Variants in UNG observed in about 807,000 individuals in gnomAD.
The protein encoded by UNG is uracil DNA glycosylase.
In UNG, 34 loss-of-function variants were observed where a neutral mutation model predicts 36.5. That is an observed-to-expected ratio of 0.93 (90% confidence interval 0.71 to 1.24). The LOEUF (loss-of-function observed/expected upper bound fraction) is 1.24. Among genes scored for constraint, UNG ranks in the 50% most tolerant of loss-of-function variants. The probability of loss-of-function intolerance (pLI) is 0.00; values close to 1 mark genes in which losing one functional copy is unlikely to be tolerated. For synonymous variants in UNG, 172 were observed against 157.8 expected, an observed-to-expected ratio of 1.09 and a Z score of -0.67; for missense variants, 391 against 397.6, an observed-to-expected ratio of 0.98 and a Z score of 0.14.
rs2042225913 is a variant in UNG, at chr12:109,107,431, C to T, written c.802-2398C>T. 2.6e-5 allele frequency among the ~76,000 whole-genome samples: 4 copies of T among 151,952 alleles called. No individual in the cohort carries two copies. The East Asian group carries it at 7.7e-4, about 29-fold the overall frequency. On this transcript the variant is annotated intron_variant, in intron 6 of 6. Transcript: ENST00000242576. The stretch of plus-strand genomic sequence containing the variant: ...GTTGCCCAGGCTGGCTCTTGAACTC[C>T]TGGACTTAAACGATCCTCCTGCCTC...
At chr12:109,099,835 C>T (rs142097025) in intron 3 of UNG, among the ~76,000 whole-genome samples, 91 of 152,194 alleles carry the variant, frequency 6.0e-4, no homozygotes, top group Non-Finnish European at 1.1e-3. Flanking sequence ...CCAGCACTTT[C>T]GGAGGCCAAA....
intron 6 of UNG, among the ~76,000 whole-genome samples, chr12:109,106,622 G>A (rs1475548629): frequency 6.6e-6 from 1 of 151,472 alleles, no homozygotes; most frequent in Non-Finnish European, 1.5e-5. Context: ...ATTCTGGCCG[G>A]GTGTGGTGGC....
In UNG at chr12:109,099,261, A is replaced by G. The variant is rs1174862351; in HGVS notation, c.412A>G (p.Thr138Ala). 6.2e-7 allele frequency: 1 copy of G among 1,613,952 alleles called. No homozygotes were observed. Among genetic ancestry groups the G allele is most frequent in the Non-Finnish European group, 8.5e-7 (1 of 1,179,952 alleles). ...YPPPHQVFTW[T>A]QMCDIKDVKV... ...ACCCCCACACCAAGTCTTCACCTGG[A>G]CCCAGATGTGTGACATAAAAGATGT... The change falls in exon 3 of 7, where the codon ACC becomes GCC. Residue 138 changes from threonine to alanine, a missense_variant. By Grantham distance (58) the Thr-to-Ala change is moderately conservative (BLOSUM62 0). Transcript: ENST00000242576.
At position 109,101,887 on chromosome 12, in the gene UNG, C is replaced by T. The variant is rs552733171; in HGVS notation, c.436-15C>T. 1.2e-6 allele frequency: 2 copies of T among 1,611,274 alleles called. No individual in the cohort carries two copies. Among genetic ancestry groups the T allele is most frequent in the Non-Finnish European group, 1.7e-6 (2 of 1,177,686 alleles). ...TTACAGTATTGTTTAATTCCTGACC[C>T]CTGGTGGTTCACAGGTGAAGGTTGT... is the stretch of plus-strand genomic sequence containing the variant. On this transcript the variant is annotated splice_polypyrimidine_tract_variant and intron_variant, in intron 3 of 6. Coordinates refer to ENST00000242576, the MANE Select transcript of UNG (RefSeq NM_080911.3).
intron 3 of UNG, among the ~76,000 whole-genome samples, chr12:109,100,366 CCCCCGTTTTGTAAA>C (rs1390887066): frequency 1.3e-5 from 2 of 151,988 alleles, no homozygotes; most frequent in Non-Finnish European, 2.9e-5. Flanking sequence ...CCGTTTTCCT[CCCCCGTTTTGTAAA>C]CTGGGGCAAG....
Position 109,109,815 on chromosome 12 carries a change from TTGA to T in UNG, c.802-12_802-10del, listed in dbSNP as rs762008037. On this transcript the variant is annotated splice_polypyrimidine_tract_variant and intron_variant, in intron 6 of 6. Transcript: ENST00000242576. Reference sequence around the variant, plus strand: ...GTCCCAAATCTGCCACCATTTATTCTTGATCTTTTTCAGAAGCGGCACCATGTA... The same window carrying T: ...GTCCCAAATCTGCCACCATTTATTCTTCTTTTTCAGAAGCGGCACCATGTA... The T allele has an allele frequency of 1.9e-6, 3 of 1,613,398 alleles. No individual in the cohort carries two copies. The African/African-American group carries it at 4.0e-5, about 22-fold the overall frequency.
At chr12:109,099,005 C>G (rs2042156409) in intron 2 of UNG, among the ~76,000 whole-genome samples, 184 bp from the exon 3 acceptor site, 1 of 152,180 alleles carries the variant, frequency 6.6e-6, no homozygotes. Flanking sequence ...AGGAATTGAC[C>G]TGATTGAACC....
chr12:109,099,104 A>G, intron 2 of UNG, 85 bp from the exon 3 acceptor site: 1 of 1,293,808 alleles, frequency 7.7e-7, no homozygotes, highest in Non-Finnish European at 1.1e-6. Flanking sequence ...GATGTTCCAA[A>G]TAACTTGCAC....
Position 109,110,125 on chromosome 12 carries a change from G to T in UNG, c.*156G>T. 1 of 971,888 alleles carries T rather than the reference G, an allele frequency of 1.0e-6. No homozygotes were observed. Among genetic ancestry groups the T allele is most frequent in the Non-Finnish European group, 1.5e-6 (1 of 647,040 alleles). The allele number at this position is 971,888 out of a possible 1,614,324, so 60.2% of individuals were successfully genotyped here. On this transcript the variant is annotated 3_prime_UTR_variant, in exon 7 of 7. Transcript: ENST00000242576. Reference sequence around the variant, plus strand: ...TGAACCAGGCTGTCCAGGAATGGCAGCTGTATCCAACCACAAACAACAAAG... The same window carrying T: ...TGAACCAGGCTGTCCAGGAATGGCATCTGTATCCAACCACAAACAACAAAG...
rs1308050207 is a variant in UNG at position 109,110,477 on chromosome 12, A to T, written c.*508A>T. On this transcript the variant is annotated 3_prime_UTR_variant, in exon 7 of 7. Transcript: ENST00000242576. Reference sequence around the variant, plus strand: ...GGAGTCCTCAGGCCCCTCGCAGCATAAGGATGTTTTGCAACTTTCCAGAAT... The same window carrying T: ...GGAGTCCTCAGGCCCCTCGCAGCATTAGGATGTTTTGCAACTTTCCAGAAT... The T allele has an allele frequency of 3.0e-5, 5 of 168,248 alleles. No individual in the cohort carries two copies. The highest frequency in any genetic ancestry group is 2.8e-4 in the Admixed American group (5 of 17,926). 10.4% of individuals were successfully genotyped at this position (168,248 alleles called of 1,614,324 possible). A position where few individuals can be genotyped will look rare whatever the true frequency, so the allele number is the denominator to read the frequency against.
chr12:109,110,841 A>G lies in UNG; in HGVS notation c.*872A>G, dbSNP rs891175459. 3 of 151,846 alleles carry G rather than the reference A, an allele frequency of 2.0e-5. No homozygotes were observed. The highest frequency in any genetic ancestry group is 7.3e-5 in the African/African-American group (3 of 41,288). 9.4% of individuals were successfully genotyped at this position (151,846 alleles called of 1,614,324 possible). A position where few individuals can be genotyped will look rare whatever the true frequency, so the allele number is the denominator to read the frequency against. ...TTAAGAAGTACTCATGCAGATATAT[A>G]TATATATATTTTTCCCAGTCCTTTT... On this transcript the variant is annotated 3_prime_UTR_variant, in exon 7 of 7. Transcript: ENST00000242576.
intron 6 of UNG, among the ~76,000 whole-genome samples, chr12:109,105,950 C>T (rs752063390): frequency 2.1e-4 from 32 of 152,240 alleles, no homozygotes; most frequent in Admixed American, 6.5e-5. Context: ...AACTCTATCC[C>T]TCTTTGCACT....
In UNG at chr12:109,098,264, A is replaced by T. The variant is rs966550929; in HGVS notation, c.133-168A>T. 37 of 1,521,664 alleles carry T rather than the reference A, an allele frequency of 2.4e-5. No homozygotes were observed. The African/African-American group carries it at 3.9e-4, about 16-fold the overall frequency. 94.3% of individuals were successfully genotyped at this position (1,521,664 alleles called of 1,614,324 possible). ...GCTCCAGTTTAGAACCTAATTCCCA[A>T]TTCCCGGACCGGGCCCAGCCCTGGG... On this transcript the variant is annotated intron_variant, in intron 1 of 6. Coordinates refer to ENST00000242576, the MANE Select transcript of UNG (RefSeq NM_080911.3).
chr12:109,108,837 G>A (rs1422546802), intron 6 of UNG, among the ~76,000 whole-genome samples: 1 of 152,074 alleles, frequency 6.6e-6, no homozygotes, highest in East Asian at 1.9e-4. Flanking sequence ...TCGCTATGTT[G>A]CCTCAGTTGG....
Position 109,104,062 on chromosome 12 carries a change from G to GTTTTTTTTTTT in UNG, c.801+457_801+458insTTTTTTTTTTT, listed in dbSNP as rs1555265048. On this transcript the variant is annotated intron_variant, in intron 6 of 6. Transcript: ENST00000242576. The stretch of plus-strand genomic sequence containing the variant: ...TTATTGTTTTGTTTCTGGGTTTTTT[G>GTTTTTTTTTTT]TTTTTTGATGGAGTCTCGCTCTGTT... 1.3e-5 allele frequency among the ~76,000 whole-genome samples: 2 copies of GTTTTTTTTTTT among 150,726 alleles called. 1 individual carries two copies. The highest frequency in any genetic ancestry group is 1.3e-4 in the Admixed American group (2 of 15,146).
intron 4 of UNG, among the ~76,000 whole-genome samples, chr12:109,102,213 G>A (rs1318097780): frequency 6.6e-6 from 1 of 152,118 alleles, no homozygotes; most frequent in Non-Finnish European, 1.5e-5. Context: ...CCACATCCCT[G>A]GCCTCTACCA....
chr12:109,110,263 G>A lies in UNG; in HGVS notation c.*294G>A, dbSNP rs1251062772. The A allele has an allele frequency of 2.3e-5, 10 of 426,692 alleles. No individual in the cohort carries two copies. The highest frequency in any genetic ancestry group is 4.4e-5 in the Non-Finnish European group (10 of 229,476). The allele number at this position is 426,692 out of a possible 1,614,324, so 26.4% of individuals were successfully genotyped here. On this transcript the variant is annotated 3_prime_UTR_variant, in exon 7 of 7. Coordinates refer to ENST00000242576, the MANE Select transcript of UNG (RefSeq NM_080911.3). ...TCTCTTTATCTCCCTTGCCTTTATG[G>A]TGAAACAGGGGAGATGTGCACCTTT... is the stretch of plus-strand genomic sequence containing the variant.
At chr12:109,106,245 A>G (rs553068409) in intron 6 of UNG, among the ~76,000 whole-genome samples, 1 of 151,894 alleles carries the variant, frequency 6.6e-6, no homozygotes, top group Non-Finnish European at 1.5e-5. Context: ...ACAGATGAAA[A>G]CTGAAGCAGC....
intron 3 of UNG, among the ~76,000 whole-genome samples, chr12:109,099,546 C>G (rs994740012): frequency 1.3e-5 from 2 of 152,112 alleles, no homozygotes; most frequent in Non-Finnish European, 2.9e-5. Context: ...ACTAACCTCC[C>G]GCGGTGTCAG....
Sources: gnomAD v4.1 joint callset for allele counts (sites outside exome capture counted in the v4.1 genomes callset) on GRCh38, gnomAD v4.1.1 for gene constraint, MANE v1.5 for transcripts, NCBI Gene and HGNC (gene_info 2026-07-23, HGNC 2026-07-21) for gene names.